Variants in LY86 observed in about 807,000 individuals in gnomAD.
LY86 encodes lymphocyte antigen 86.
Under a neutral mutation model 17.3 loss-of-function variants are expected in LY86, and 20 were observed. That is an observed-to-expected ratio of 1.15 (90% CI 0.81 to 1.68). The LOEUF (loss-of-function observed/expected upper bound fraction) is 1.68. LY86 is among the 40% of genes most tolerant of loss of function. The pLI is 0.00. For missense variants in LY86, 200 were observed against 191.9 expected, an observed-to-expected ratio of 1.04 and a Z score of -0.25; for synonymous variants, 74 against 70.6, an observed-to-expected ratio of 1.05 and a Z score of -0.24.
At position 6,626,145 on chromosome 6, in the gene LY86, T is replaced by C. The variant is rs5743648; in HGVS notation, c.224-148T>C. 4.7e-4 allele frequency: 344 copies of C among 732,816 alleles called. 1 individual carries two copies. In the African/African-American group the frequency reaches 5.6e-3, roughly 12 times the overall value. The allele number at this position is 732,816 out of a possible 1,614,324, so 45.4% of individuals were successfully genotyped here. A position where few individuals can be genotyped will look rare whatever the true frequency, so the allele number is the denominator to read the frequency against. Reference sequence around the variant, plus strand: ...CTGTAGCATTGCCTAAATGCTGTTTTACCAAGGAAAGAAGAAAACTGTTCC... The same window carrying C: ...CTGTAGCATTGCCTAAATGCTGTTTCACCAAGGAAAGAAGAAAACTGTTCC... On this transcript the variant is annotated intron_variant, in intron 2 of 4. Coordinates refer to ENST00000230568, the MANE Select transcript of LY86 (RefSeq NM_004271.4).
chr6:6,593,985 C>T (rs934620729), intron 1 of LY86, among the ~76,000 whole-genome samples: 3 of 152,246 alleles, frequency 2.0e-5, no homozygotes, highest in East Asian at 1.9e-4. Flanking sequence ...AGCTGCATGT[C>T]CTGTGGGCAA....
rs1197764665 is a variant in LY86, at chr6:6,595,389, G to C, written c.136+6519G>C. Among the ~76,000 whole-genome samples, 3 of 56,808 alleles carry C rather than the reference G, an allele frequency of 5.3e-5. No homozygotes were observed. In the Admixed American group the frequency reaches 6.9e-4, roughly 13 times the overall value. The allele number at this position is 56,808 out of a possible 152,430, so 37.3% of individuals were successfully genotyped here. On this transcript the variant is annotated intron_variant, in intron 1 of 4. Coordinates refer to ENST00000230568, the MANE Select transcript of LY86 (RefSeq NM_004271.4). ...AGAAGAAAGAAGAGAGGGGAGAAGA[G>C]AAGGAGGAAAAGAAGATGAAAGGGG...
chr6:6,596,144 C>T (rs1561774722), intron 1 of LY86, among the ~76,000 whole-genome samples: 1 of 152,208 alleles, frequency 6.6e-6, no homozygotes, highest in Admixed American at 6.5e-5. Flanking sequence ...TCACATGTGC[C>T]TGAATCATCC....
intron 1 of LY86, among the ~76,000 whole-genome samples, chr6:6,612,359 T>C (rs561349865): frequency 4.9e-4 from 74 of 152,344 alleles, no homozygotes; most frequent in Middle Eastern, 3.4e-3. Flanking sequence ...CTTCTTAAGG[T>C]GATACATTTG....
chr6:6,606,376 T>C (rs1255530864), intron 1 of LY86, among the ~76,000 whole-genome samples: 1 of 151,948 alleles, frequency 6.6e-6, no homozygotes, highest in Non-Finnish European at 1.5e-5. Context: ...GTTCTCCAAG[T>C]CCCCCCCAGA....
chr6:6,603,630 A>ACAC (rs1760995571), intron 1 of LY86, among the ~76,000 whole-genome samples: 76 of 127,434 alleles, frequency 6.0e-4, no homozygotes, highest in African/African-American at 2.2e-3. Flanking sequence ...AAAAAAAAAC[A>ACAC]AAACACACAC....
intron 1 of LY86, among the ~76,000 whole-genome samples, chr6:6,605,001 A>G (rs1339869943): frequency 6.6e-6 from 1 of 151,856 alleles, no homozygotes; most frequent in African/African-American, 2.4e-5. Flanking sequence ...AGTATAGTTA[A>G]GTCATTCAAT....
intron 1 of LY86, among the ~76,000 whole-genome samples, chr6:6,593,253 T>C (rs1239723668): frequency 1.3e-5 from 2 of 152,252 alleles, no homozygotes; most frequent in Non-Finnish European, 2.9e-5. Flanking sequence ...TCTTCCTCCA[T>C]CTTCAAAGCT....
Position 6,649,685 on chromosome 6 carries a change from ATTAC to A in LY86, c.405+15_405+18del, listed in dbSNP as rs777218226. The A allele has an allele frequency of 6.6e-7, 1 of 1,507,998 alleles. No homozygotes were observed. Among genetic ancestry groups the A allele is most frequent in the Non-Finnish European group, 9.2e-7 (1 of 1,088,948 alleles). The allele number at this position is 1,507,998 out of a possible 1,614,324, so 93.4% of individuals were successfully genotyped here. A position where few individuals can be genotyped will look rare whatever the true frequency, so the allele number is the denominator to read the frequency against. ...GAATTTACTATTCCTCAGGTAAGAT[ATTAC>A]TTACTTCTTGTATTAAATAGTTTGT... is the stretch of plus-strand genomic sequence containing the variant. On this transcript the variant is annotated intron_variant, in intron 4 of 4. Transcript: ENST00000230568.
intron 3 of LY86, among the ~76,000 whole-genome samples, chr6:6,636,892 CAA>C (rs3842507): frequency 4.4e-3 from 583 of 131,356 alleles, no homozygotes; most frequent in Middle Eastern, 0.012. Context: ...CCTCGAACTG[CAA>C]AAAAAAAAAA....
chr6:6,615,324 A>T (rs1761526812), intron 1 of LY86, among the ~76,000 whole-genome samples: 1 of 152,218 alleles, frequency 6.6e-6, no homozygotes, highest in Non-Finnish European at 1.5e-5. Context: ...AGCAAAGAGC[A>T]TCCCAACCAT....
intron 3 of LY86, among the ~76,000 whole-genome samples, chr6:6,648,041 A>T (rs2113163948): frequency 6.6e-6 from 1 of 151,332 alleles, no homozygotes; most frequent in African/African-American, 2.4e-5. Context: ...TAATCTCAAT[A>T]AATGGCACCC....
intron 3 of LY86, among the ~76,000 whole-genome samples, chr6:6,648,703 C>G (rs1473859941): frequency 6.6e-6 from 1 of 151,816 alleles, no homozygotes; most frequent in East Asian, 1.9e-4. Flanking sequence ...TTGATTACCT[C>G]TTTTAATTCC....
intron 1 of LY86, among the ~76,000 whole-genome samples, chr6:6,613,350 T>TA (rs1295521421): frequency 6.6e-6 from 1 of 152,198 alleles, no homozygotes; most frequent in Non-Finnish European, 1.5e-5. Flanking sequence ...CGGGGAGGCT[T>TA]GGCCTGCTCA....
Position 6,606,252 on chromosome 6 carries a change from C to T in LY86, c.136+17382C>T, listed in dbSNP as rs567540746. ...TACAGAGTGTGGACGCAAAGGTTCT[C>T]CAAGGCCCCACCAGAGTAGCTAAAC... On this transcript the variant is annotated intron_variant, in intron 1 of 4. Coordinates refer to ENST00000230568, the MANE Select transcript of LY86 (RefSeq NM_004271.4). Among the ~76,000 whole-genome samples the T allele has an allele frequency of 5.3e-5, 8 of 152,318 alleles. No individual in the cohort carries two copies. In the South Asian group the frequency reaches 1.4e-3, roughly 28 times the overall value.
chr6:6,620,470 A>G (rs1213847986), intron 1 of LY86, among the ~76,000 whole-genome samples: 1 of 152,226 alleles, frequency 6.6e-6, no homozygotes, highest in African/African-American at 2.4e-5. Flanking sequence ...AGCTACATCC[A>G]TGGCCTCCAG....
chr6:6,620,531 G>T (rs1396972757), intron 1 of LY86, among the ~76,000 whole-genome samples: 1 of 152,184 alleles, frequency 6.6e-6, no homozygotes, highest in Non-Finnish European at 1.5e-5. Flanking sequence ...TCAAATCAAG[G>T]ATTGGTCCAG....
At chr6:6,639,661 C>A (rs1364529845) in intron 3 of LY86, among the ~76,000 whole-genome samples, 1 of 152,212 alleles carries the variant, frequency 6.6e-6, no homozygotes, top group Non-Finnish European at 1.5e-5. Context: ...CTACCTCCCT[C>A]TTATAAGGAC....
At chr6:6,641,757 G>A (rs1309358611) in intron 3 of LY86, among the ~76,000 whole-genome samples, 1 of 151,796 alleles carries the variant, frequency 6.6e-6, no homozygotes, top group African/African-American at 2.4e-5. Flanking sequence ...CTTCTGCCAG[G>A]AAGTGTTTCT....
Sources: allele counts gnomAD v4.1 joint callset (sites outside exome capture counted in the v4.1 genomes callset), GRCh38; gene constraint gnomAD v4.1.1; transcripts MANE v1.5; gene names NCBI Gene and HGNC (gene_info 2026-07-23, HGNC 2026-07-21).